The following CEP41 variants were observed in gnomAD, a reference collection of about 807,000 sequenced individuals.
The protein encoded by CEP41 is centrosomal protein 41, also known as centrosomal protein of 41 kDa.
Under a neutral mutation model 44.3 loss-of-function variants are expected in CEP41, and 32 were observed. That is an observed-to-expected ratio of 0.72 (90% CI 0.54 to 0.97). The LOEUF is 0.97. Ranked by LOEUF, CEP41 falls within the 50% of genes least tolerant of loss-of-function variation. The probability of loss-of-function intolerance (pLI) is 0.00; values close to 1 mark genes in which losing one functional copy is unlikely to be tolerated. For synonymous variants in CEP41, 151 were observed against 168.5 expected, an observed-to-expected ratio of 0.90 and a Z score of 0.80; for missense variants, 432 against 455.2, an observed-to-expected ratio of 0.95 and a Z score of 0.46.
At chr7:130,430,050 T>C (rs903941746) in intron 1 of CEP41, among the ~76,000 whole-genome samples, 5 of 152,210 alleles carry the variant, frequency 3.3e-5, no homozygotes, top group African/African-American at 7.2e-5. Context: ...GTCAGGAAGA[T>C]TGCAGAATAA....
At chr7:130,403,504 T>C (rs1439524857) in intron 6 of CEP41, among the ~76,000 whole-genome samples, 1 of 152,180 alleles carries the variant, frequency 6.6e-6, no homozygotes, top group East Asian at 1.9e-4. Context: ...AGGGAAAATG[T>C]GGTAAAAACA....
At chr7:130,429,796 T>C (rs1584903420) in intron 1 of CEP41, among the ~76,000 whole-genome samples, 1 of 152,204 alleles carries the variant, frequency 6.6e-6, no homozygotes, top group African/African-American at 2.4e-5. Context: ...GCCCGCTCCA[T>C]TGTTTAAACC....
intron 4 of CEP41, 63 bp from the exon 5 acceptor site, chr7:130,411,254 C>CTT: frequency 7.2e-7 from 1 of 1,382,992 alleles, no homozygotes; most frequent in Non-Finnish European, 1.0e-6. Flanking sequence ...GCAATTTTGT[C>CTT]TTTTACAAAA....
At chr7:130,422,585 TA>T (rs1379604913) in intron 2 of CEP41, among the ~76,000 whole-genome samples, 3 of 151,938 alleles carry the variant, frequency 2.0e-5, no homozygotes, top group Non-Finnish European at 4.4e-5. Flanking sequence ...CACAGGGAGG[TA>T]AGTCACAAAA....
chr7:130,400,348 C>T (rs1380706989), intron 9 of CEP41, 94 bp from the exon 10 acceptor site: 7 of 885,850 alleles, frequency 7.9e-6, no homozygotes, highest in Non-Finnish European at 1.3e-5. Flanking sequence ...AATCTCTGGT[C>T]ATCAAGTTGA....
intron 1 of CEP41, among the ~76,000 whole-genome samples, chr7:130,438,055 C>A (rs563760712): frequency 2.6e-5 from 4 of 152,294 alleles, no homozygotes; most frequent in African/African-American, 9.6e-5. Context: ...TCTTCCCCCA[C>A]ACTCCTAAAA....
chr7:130,401,811 G>A (rs1554416996), intron 8 of CEP41, 70 bp downstream of exon 8: 16 of 1,004,082 alleles, frequency 1.6e-5, no homozygotes, highest in Admixed American at 1.4e-4. Context: ...TACCAGGAGC[G>A]TGGTTCATGA....
chr7:130,406,302 G>T (rs2117581764), intron 5 of CEP41, among the ~76,000 whole-genome samples: 1 of 152,260 alleles, frequency 6.6e-6, no homozygotes, highest in Non-Finnish European at 1.5e-5. Flanking sequence ...AATAATAACA[G>T]GGCGGGCATG....
chr7:130,399,172 CT>C, intron 10 of CEP41, 133 bp from the exon 11 acceptor site: 2 of 1,123,268 alleles, frequency 1.8e-6, no homozygotes, highest in Non-Finnish European at 2.6e-6. Flanking sequence ...GCAGTATCTA[CT>C]TTAGGCCAAC....
rs1554413834 is a variant in CEP41 at position 130,394,747 on chromosome 7, G to T, written c.*4144C>A. ...CACATCCAAACTTCAATCTTGACAG[G>T]TTCAATTCATTTATTCATGAACACT... On this transcript the variant is annotated 3_prime_UTR_variant, in exon 11 of 11. Transcript: ENST00000223208. 9 of 454,074 alleles carry T rather than the reference G, an allele frequency of 2.0e-5. No individual in the cohort carries two copies. The highest frequency in any genetic ancestry group is 1.2e-4 in the South Asian group (8 of 64,472). The allele number at this position is 454,074 out of a possible 1,614,324, so 28.1% of individuals were successfully genotyped here. A position where few individuals can be genotyped will look rare whatever the true frequency, so the allele number is the denominator to read the frequency against.
rs192519022 is a variant in CEP41 at position 130,428,062 on chromosome 7, A to T, written c.34-44T>A. Reference sequence around the variant, plus strand: ...CACAATTAATTGGGTTAATGTAAGGATAACGATAAGGTAAAGTCAGGAGTC... The same window carrying T: ...CACAATTAATTGGGTTAATGTAAGGTTAACGATAAGGTAAAGTCAGGAGTC... On this transcript the variant is annotated intron_variant, in intron 1 of 10. Transcript: ENST00000223208. 4 of 1,298,330 alleles carry T rather than the reference A, an allele frequency of 3.1e-6. No individual in the cohort carries two copies. In the African/African-American group the frequency reaches 5.8e-5, roughly 19 times the overall value. The allele number at this position is 1,298,330 out of a possible 1,614,324, so 80.4% of individuals were successfully genotyped here.
intron 1 of CEP41, among the ~76,000 whole-genome samples, chr7:130,429,413 G>C (rs1360862088): frequency 2.0e-5 from 3 of 152,206 alleles, no homozygotes; most frequent in Admixed American, 2.0e-4. Context: ...TTAAATTAGA[G>C]TGGCGATTGT....
Position 130,395,908 on chromosome 7 carries a change from A to C in CEP41, c.*2983T>G. On this transcript the variant is annotated 3_prime_UTR_variant, in exon 11 of 11. Coordinates refer to ENST00000223208, the MANE Select transcript of CEP41 (RefSeq NM_018718.3). ...AAAAAAAAAAAAAGATAAAAGATAA[A>C]ATGAATGCAGGCCATTTAAATCATT... The C allele has an allele frequency of 2.2e-6, 1 of 445,260 alleles. No homozygotes were observed. The highest frequency in any genetic ancestry group is 4.4e-6 in the Non-Finnish European group (1 of 224,794). 27.6% of individuals were successfully genotyped at this position (445,260 alleles called of 1,614,324 possible).
At chr7:130,421,847 T>C (rs1797518597) in intron 2 of CEP41, 2 of 1,451,808 alleles carry the variant, frequency 1.4e-6, no homozygotes. Flanking sequence ...TTAATCAGCC[T>C]GCAGTGCTGC....
At chr7:130,436,218 T>C (rs1033200850) in intron 1 of CEP41, among the ~76,000 whole-genome samples, 5 of 151,808 alleles carry the variant, frequency 3.3e-5, no homozygotes, top group Non-Finnish European at 5.9e-5. Flanking sequence ...ACTGATCAGG[T>C]ACCAGAAAGA....
At position 130,416,913 on chromosome 7, in the gene CEP41, A is replaced by G. The variant is rs1797354209; in HGVS notation, c.145+6T>C. 2.5e-6 allele frequency: 4 copies of G among 1,580,486 alleles called. No individual in the cohort carries two copies. The highest frequency in any genetic ancestry group is 3.5e-6 in the Non-Finnish European group (4 of 1,149,486). On this transcript the variant is annotated splice_donor_region_variant and intron_variant, in intron 3 of 10. Coordinates refer to ENST00000223208, the MANE Select transcript of CEP41 (RefSeq NM_018718.3). The stretch of plus-strand genomic sequence containing the variant: ...ACTCTCCCAAACCATCAAGAGTGTT[A>G]CTTACTTTTCTTAATCTCTTCGAGC...
intron 2 of CEP41, chr7:130,420,642 C>CT (rs1797477936): frequency 6.6e-6 from 1 of 152,428 alleles, no homozygotes; most frequent in Non-Finnish European, 1.5e-5. Flanking sequence ...CATGGTGGTG[C>CT]GCACCTGTAG....
rs557108045 is a variant in CEP41 at position 130,397,330 on chromosome 7, G to A, written c.*1561C>T. The A allele has an allele frequency of 2.2e-6, 1 of 454,272 alleles. No individual in the cohort carries two copies. The highest frequency in any genetic ancestry group is 2.0e-5 in the African/African-American group (1 of 49,944). 28.1% of individuals were successfully genotyped at this position (454,272 alleles called of 1,614,324 possible). On this transcript the variant is annotated 3_prime_UTR_variant, in exon 11 of 11. Coordinates refer to ENST00000223208, the MANE Select transcript of CEP41 (RefSeq NM_018718.3). ...TCTGAACAATGTCCCTGGTTTGTTT[G>A]ATTTCTAAAGCATCGGAAAATGTTG...
chr7:130,417,199 T>C lies in CEP41; in HGVS notation c.98-233A>G, dbSNP rs957839918. The C allele has an allele frequency of 3.0e-6, 4 of 1,335,010 alleles. No homozygotes were observed. In the African/African-American group the frequency reaches 4.4e-5, roughly 15 times the overall value. The allele number at this position is 1,335,010 out of a possible 1,614,324, so 82.7% of individuals were successfully genotyped here. On this transcript the variant is annotated intron_variant, in intron 2 of 10. Coordinates refer to ENST00000223208, the MANE Select transcript of CEP41 (RefSeq NM_018718.3). ...TAGAATGTGTTTAAGCTGGGATGCA[T>C]ACCCCCAAAACATTGACAAGTTCCA...
Sources: allele counts gnomAD v4.1 joint callset (sites outside exome capture counted in the v4.1 genomes callset), GRCh38; gene constraint gnomAD v4.1.1; transcripts MANE v1.5; gene names NCBI Gene and HGNC (gene_info 2026-07-23, HGNC 2026-07-21).